Variants in NME9 observed in about 807,000 individuals in gnomAD.
NME9 encodes thioredoxin domain-containing protein 6.
A neutral mutation model predicts 44.4 loss-of-function variants in NME9; 48 were observed. The ratio of observed to expected loss-of-function variants is 1.08; its 90% CI spans 0.86 to 1.37. The LOEUF (loss-of-function observed/expected upper bound fraction) is 1.37. Ranked by LOEUF, NME9 falls within the 40% of genes most tolerant of loss-of-function variation. The pLI is 0.00. For synonymous variants in NME9, 139 were observed against 147.1 expected, an observed-to-expected ratio of 0.94 and a Z score of 0.40; for missense variants, 325 against 405.2, an observed-to-expected ratio of 0.80 and a Z score of 1.70.
At chr3:138,328,127 A>G (rs1194609311) in intron 1 of NME9, among the ~76,000 whole-genome samples, 1 of 152,214 alleles carries the variant, frequency 6.6e-6, no homozygotes, top group Non-Finnish European at 1.5e-5. Context: ...CAACCAGAAC[A>G]TTCACGTATG....
intron 1 of NME9, among the ~76,000 whole-genome samples, chr3:138,325,165 C>T (rs938198602): frequency 6.6e-6 from 1 of 152,146 alleles, no homozygotes; most frequent in Non-Finnish European, 1.5e-5. Flanking sequence ...AATACTTTTA[C>T]ATGTTATTTG....
intron 8 of NME9, among the ~76,000 whole-genome samples, chr3:138,282,174 C>G (rs2049992750): frequency 6.6e-6 from 1 of 152,206 alleles, no homozygotes; most frequent in South Asian, 2.1e-4. Context: ...ATCACTACCA[C>G]TGATGAATAT....
At chr3:138,293,900 A>C (rs976208267) in intron 8 of NME9, among the ~76,000 whole-genome samples, 1 of 152,210 alleles carries the variant, frequency 6.6e-6, no homozygotes, top group Non-Finnish European at 1.5e-5. Flanking sequence ...CTGTTTTCAC[A>C]TAAGTTTTTA....
At chr3:138,305,247 CACTCAGA>C (rs897904148) in intron 8 of NME9, among the ~76,000 whole-genome samples, 31 of 152,150 alleles carry the variant, frequency 2.0e-4, no homozygotes, top group African/African-American at 6.5e-4. Context: ...TGACCTACCA[CACTCAGA>C]ACTCAGAATG....
chr3:138,268,520 G>A (rs886543475), intron 8 of NME9, among the ~76,000 whole-genome samples: 6 of 152,172 alleles, frequency 3.9e-5, no homozygotes, highest in Admixed American at 2.6e-4. Flanking sequence ...TAGGAAATAG[G>A]TAGATGAGCT....
chr3:138,287,522 G>T (rs2050546578), intron 8 of NME9: 9 of 380,282 alleles, frequency 2.4e-5, no homozygotes, highest in South Asian at 5.9e-5. Context: ...ATAAACTTAT[G>T]CATAGTAAAT....
intron 8 of NME9, among the ~76,000 whole-genome samples, chr3:138,269,646 A>T (rs1305816135): frequency 2.0e-5 from 3 of 152,154 alleles, no homozygotes; most frequent in Non-Finnish European, 4.4e-5. Flanking sequence ...AATGCACAAG[A>T]TGTACACATA....
chr3:138,309,981 C>G lies in NME9; in HGVS notation c.461-3501G>C, dbSNP rs371132652. Among the ~76,000 whole-genome samples the G allele has an allele frequency of 2.2e-4, 33 of 151,206 alleles. No homozygotes were observed. In the East Asian group the frequency reaches 6.4e-3, roughly 29 times the overall value. ...GGTGGAGGTTGCAGTGAGCCAAGAT[C>G]ATGCTAGCCTGGGCGACGAGTGAAA... On this transcript the variant is annotated intron_variant, in intron 6 of 10. Transcript: ENST00000333911.
chr3:138,267,333 G>T (rs2048369818), intron 8 of NME9: 1 of 750,474 alleles, frequency 1.3e-6, no homozygotes, highest in Non-Finnish European at 2.1e-6. Context: ...AAATCTGTGG[G>T]TTGGGTTTAA....
chr3:138,313,697 G>A (rs2052863401), intron 6 of NME9, among the ~76,000 whole-genome samples: 1 of 152,172 alleles, frequency 6.6e-6, no homozygotes, highest in African/African-American at 2.4e-5. Context: ...AAAATGTGGT[G>A]TATATACACA....
intron 8 of NME9, among the ~76,000 whole-genome samples, chr3:138,273,402 C>CT (rs1212714902): frequency 6.6e-6 from 1 of 152,162 alleles, no homozygotes; most frequent in African/African-American, 2.4e-5. Flanking sequence ...TGATTTGTTA[C>CT]TTTTTTCTTA....
rs1360341083 is a variant in NME9, at chr3:138,318,031, C to A, written c.267+117G>T. The A allele has an allele frequency of 1.7e-5, 12 of 712,248 alleles. No homozygotes were observed. The Admixed American group carries it at 2.5e-4, about 15-fold the overall frequency. The allele number at this position is 712,248 out of a possible 1,614,324, so 44.1% of individuals were successfully genotyped here. ...GCATCACTTGTTTGAATCTGTGAGGCCTCTTGGTGGTTCCCATTAATTCTC... is the reference window on the plus strand; with the variant it reads ...GCATCACTTGTTTGAATCTGTGAGGACTCTTGGTGGTTCCCATTAATTCTC... On this transcript the variant is annotated intron_variant, in intron 4 of 10. Transcript: ENST00000333911.
downstream of NME9, chr3:138,297,755 C>G (rs571933834): frequency 6.6e-6 from 1 of 152,110 alleles, no homozygotes; most frequent in African/African-American, 2.4e-5. Flanking sequence ...TAAAAGAAAA[C>G]TTAGTTTATT....
chr3:138,275,762 G>A (rs1466503825), intron 8 of NME9, among the ~76,000 whole-genome samples: 1 of 152,110 alleles, frequency 6.6e-6, no homozygotes, highest in Non-Finnish European at 1.5e-5. Context: ...CTTAGGAGCT[G>A]CAATTGAATT....
At chr3:138,281,538 G>T (rs2049929997) in intron 8 of NME9, among the ~76,000 whole-genome samples, 1 of 152,010 alleles carries the variant, frequency 6.6e-6, no homozygotes, top group Admixed American at 6.6e-5. Context: ...TAATCCACCC[G>T]CTTTGGTCTC....
chr3:138,310,935 A>G (rs904558241), intron 6 of NME9, among the ~76,000 whole-genome samples: 2 of 152,194 alleles, frequency 1.3e-5, no homozygotes, highest in African/African-American at 4.8e-5. Flanking sequence ...AATGAAATTG[A>G]GCCTAAAAAA....
rs1026067756 is a variant in NME9, at chr3:138,301,208, TTTA to T, written c.*429_*431del. The T allele has an allele frequency of 1.1e-4, 82 of 752,416 alleles. No homozygotes were observed. The highest frequency in any genetic ancestry group is 2.5e-4 in the Admixed American group (4 of 15,956). The allele number at this position is 752,416 out of a possible 1,614,324, so 46.6% of individuals were successfully genotyped here. A position where few individuals can be genotyped will look rare whatever the true frequency, so the allele number is the denominator to read the frequency against. On this transcript the variant is annotated 3_prime_UTR_variant, in exon 11 of 11. Coordinates refer to ENST00000333911, the MANE Select transcript of NME9 (RefSeq NM_001349018.2). Reference sequence around the variant, plus strand: ...ACTATTCTCTTTCTTTACTTTTTTTTTTATTATTATTATTAAGATGGAGTCTCA... The same window carrying T: ...ACTATTCTCTTTCTTTACTTTTTTTTTTATTATTATTAAGATGGAGTCTCA...
chr3:138,306,882 G>A (rs1030881191), intron 6 of NME9, among the ~76,000 whole-genome samples: 6 of 152,124 alleles, frequency 3.9e-5, no homozygotes, highest in Non-Finnish European at 8.8e-5. Context: ...GAAAGTGAGA[G>A]GGGGGCCTGG....
intron 1 of NME9, 43 bp downstream of exon 1, chr3:138,329,260 G>A: frequency 1.3e-6 from 2 of 1,512,182 alleles, no homozygotes; most frequent in Non-Finnish European, 1.8e-6. Context: ...CCTCTTCCCC[G>A]AGCCCAACCC....
Sources: gnomAD v4.1 joint callset for allele counts (sites outside exome capture counted in the v4.1 genomes callset) on GRCh38, gnomAD v4.1.1 for gene constraint, MANE v1.5 for transcripts, NCBI Gene and HGNC (gene_info 2026-07-23, HGNC 2026-07-21) for gene names.